Variants in TMEM229B observed in about 807,000 individuals in gnomAD.
The protein encoded by TMEM229B is transmembrane protein 229B, also known as chromosome 14 open reading frame 83.
In TMEM229B, 6 loss-of-function variants were observed where a neutral mutation model predicts 13.7. The observed-to-expected ratio is 0.44, with a 90% confidence interval of 0.24 to 0.86. The LOEUF (loss-of-function observed/expected upper bound fraction) is 0.86, where lower values mean the gene tolerates loss of function less well. TMEM229B is among the 40% of genes least tolerant of loss of function. The probability of loss-of-function intolerance (pLI) is 0.23; values close to 1 mark genes in which losing one functional copy is unlikely to be tolerated. For missense variants in TMEM229B, 170 were observed against 236.0 expected (o/e 0.72, Z 1.83); for synonymous variants, 107 against 102.1 (o/e 1.05, Z -0.29).
chr14:67,533,190 C>T (rs182447147), intron 1 of TMEM229B: 1 of 152,082 alleles, frequency 6.6e-6, no homozygotes, highest in African/African-American at 2.4e-5. Flanking sequence ...CGCAGCAAGG[C>T]TCGGCCGGGC....
intron 1 of TMEM229B, among the ~76,000 whole-genome samples, chr14:67,501,109 C>A (rs973464408): frequency 6.6e-6 from 1 of 151,018 alleles, no homozygotes; most frequent in Non-Finnish European, 1.5e-5. Flanking sequence ...TAGGAGCCAG[C>A]TGCTCTGCAT....
rs921528863 is a variant in TMEM229B at position 67,471,742 on chromosome 14, C to CCACCCCACCACACCCTG, written c.*1661_*1677dup. The CCACCCCACCACACCCTG allele has an allele frequency of 2.2e-4, 34 of 152,440 alleles. No homozygotes were observed. In the East Asian group the frequency reaches 3.1e-3, roughly 14 times the overall value. 9.4% of individuals were successfully genotyped at this position (152,440 alleles called of 1,614,324 possible). A position where few individuals can be genotyped will look rare whatever the true frequency, so the allele number is the denominator to read the frequency against. ...TCCAGACCTAGGACACAACTGTGGC[C>CCACCCCACCACACCCTG]CACCCCACCACACCCTGCACCCCAC... On this transcript the variant is annotated 3_prime_UTR_variant, in exon 3 of 3. Transcript: ENST00000554480.
At chr14:67,500,346 C>A (rs572306066) in intron 1 of TMEM229B, among the ~76,000 whole-genome samples, 4 of 150,558 alleles carry the variant, frequency 2.7e-5, no homozygotes, top group Non-Finnish European at 5.9e-5. Context: ...TGGTGGCGGG[C>A]GCCTGTAATC....
chr14:67,531,857 T>A (rs1192619041), intron 1 of TMEM229B, among the ~76,000 whole-genome samples: 1 of 139,710 alleles, frequency 7.2e-6, no homozygotes, highest in Non-Finnish European at 1.5e-5. Context: ...CAGTGAGCTA[T>A]GATTGTGCCA....
At chr14:67,528,328 T>C (rs1439857936) in intron 1 of TMEM229B, among the ~76,000 whole-genome samples, 1 of 152,094 alleles carries the variant, frequency 6.6e-6, no homozygotes, top group Non-Finnish European at 1.5e-5. Flanking sequence ...CCCAGAAAAG[T>C]AAAGGGTCAC....
intron 1 of TMEM229B, among the ~76,000 whole-genome samples, chr14:67,524,259 T>C (rs1019778842): frequency 1.3e-5 from 2 of 152,180 alleles, no homozygotes; most frequent in Non-Finnish European, 2.9e-5. Context: ...GGCTCTGTTT[T>C]TACTGTTTAC....
chr14:67,523,665 T>C (rs878961013), intron 1 of TMEM229B, among the ~76,000 whole-genome samples: 29 of 152,246 alleles, frequency 1.9e-4, no homozygotes, highest in African/African-American at 7.0e-4. Flanking sequence ...GTCTTATTTG[T>C]AGGTTAAACT....
chr14:67,496,411 TTTTTTTTTTTG>T (rs1198198299), intron 1 of TMEM229B, among the ~76,000 whole-genome samples: 3 of 134,386 alleles, frequency 2.2e-5, no homozygotes, highest in African/African-American at 8.2e-5. Context: ...TTTTTTTTTT[TTTTTTTTTTTG>T]AGACAGGGTC....
rs17104363 is a variant in TMEM229B, at chr14:67,472,766, T to C, written c.*654A>G. On this transcript the variant is annotated 3_prime_UTR_variant, in exon 3 of 3. Transcript: ENST00000554480. ...GAAACGCCACCGAACACACGGGGAT[T>C]GAAACCTCCAAAAGCCCAAGGTTGG... 17,224 of 152,734 alleles carry C rather than the reference T, an allele frequency of 0.11. 1,016 individuals are homozygous for C. The highest frequency in any genetic ancestry group is 0.14 in the Middle Eastern group (42 of 294). The allele number at this position is 152,734 out of a possible 1,614,324, so 9.5% of individuals were successfully genotyped here.
chr14:67,488,805 C>G (rs1237593140), upstream of TMEM229B: 1 of 152,356 alleles, frequency 6.6e-6, no homozygotes, highest in Non-Finnish European at 1.5e-5. Context: ...CCACTGCCTG[C>G]TGAGGTGCAG....
chr14:67,500,717 G>A lies in TMEM229B; in HGVS notation c.-191-13545C>T, dbSNP rs865930138. On this transcript the variant is annotated intron_variant, in intron 1 of 2. Coordinates refer to the TMEM229B transcript ENST00000357461. ...TTCCCGAGTAGCTGAGACTACAGGC[G>A]CCCGCCACCACGCCCGGCTAATTTT... 1.0e-4 allele frequency among the ~76,000 whole-genome samples: 15 copies of A among 150,266 alleles called. No homozygotes were observed. The South Asian group carries it at 2.8e-3, about 28-fold the overall frequency.
At chr14:67,500,758 A>C (rs1020082860) in intron 1 of TMEM229B, among the ~76,000 whole-genome samples, 1 of 151,590 alleles carries the variant, frequency 6.6e-6, no homozygotes, top group African/African-American at 2.4e-5. Context: ...TTTTTACTAG[A>C]GACGGGGTTT....
At chr14:67,521,263 A>C (rs2033287224) in intron 1 of TMEM229B, among the ~76,000 whole-genome samples, 1 of 152,268 alleles carries the variant, frequency 6.6e-6, no homozygotes, top group African/African-American at 2.4e-5. Context: ...AGACTTCTGT[A>C]TAGCTGTGAG....
intron 1 of TMEM229B, among the ~76,000 whole-genome samples, chr14:67,532,428 C>T (rs1183788648): frequency 1.3e-5 from 2 of 152,204 alleles, no homozygotes; most frequent in Non-Finnish European, 2.9e-5. Flanking sequence ...TTACTCCAGG[C>T]TCACCTAGCC....
intron 2 of TMEM229B, among the ~76,000 whole-genome samples, chr14:67,481,793 C>T (rs969819847): frequency 1.3e-5 from 2 of 152,212 alleles, no homozygotes; most frequent in Admixed American, 6.5e-5. Flanking sequence ...TAGCTCCTTG[C>T]TCAGCCCTGG....
chr14:67,528,207 C>T (rs2033396280), intron 1 of TMEM229B, among the ~76,000 whole-genome samples: 1 of 152,204 alleles, frequency 6.6e-6, no homozygotes, highest in Non-Finnish European at 1.5e-5. Flanking sequence ...CTACTGAGTA[C>T]TTACTGAGTG....
chr14:67,476,646 T>C (rs534771890), intron 2 of TMEM229B, among the ~76,000 whole-genome samples: 6 of 152,250 alleles, frequency 3.9e-5, no homozygotes, highest in African/African-American at 1.4e-4. Flanking sequence ...AAAATTTTAC[T>C]CCCATTTTTT....
chr14:67,479,673 G>A (rs1422116938), intron 2 of TMEM229B, among the ~76,000 whole-genome samples: 1 of 152,032 alleles, frequency 6.6e-6, no homozygotes, highest in African/African-American at 2.4e-5. Flanking sequence ...AGCCGAGATA[G>A]CGCCACTGCA....
chr14:67,510,770 T>G (rs937259892), intron 1 of TMEM229B, among the ~76,000 whole-genome samples: 5 of 152,088 alleles, frequency 3.3e-5, no homozygotes, highest in African/African-American at 4.8e-5. Flanking sequence ...AAAATGGGGT[T>G]TGGCCAAGGA....
Sources: gnomAD v4.1 joint callset for allele counts (sites outside exome capture counted in the v4.1 genomes callset) on GRCh38, gnomAD v4.1.1 for gene constraint, MANE v1.5 for transcripts, NCBI Gene and HGNC (gene_info 2026-07-23, HGNC 2026-07-21) for gene names.